CDIN1: variants seen among roughly 807,000 people sequenced by gnomAD.
CDIN1 encodes the protein CDAN1-interacting nuclease 1.
CDIN1 carries 33 observed loss-of-function variants against 45.3 expected under a neutral mutation model. That is an observed-to-expected ratio of 0.73 (90% CI 0.55 to 0.97). The LOEUF (loss-of-function observed/expected upper bound fraction) is 0.97, where lower values mean the gene tolerates loss of function less well. CDIN1 is among the 50% of genes least tolerant of loss of function. The probability of loss-of-function intolerance (pLI) is 0.00; values close to 1 mark genes in which losing one functional copy is unlikely to be tolerated. For missense variants in CDIN1, 303 were observed against 339.4 expected, an observed-to-expected ratio of 0.89 and a Z score of 0.84; for synonymous variants, 118 against 124.4, an observed-to-expected ratio of 0.95 and a Z score of 0.34.
intron 1 of CDIN1, chr15:36,618,951 T>C: frequency 1.3e-6 from 2 of 1,550,198 alleles, no homozygotes; most frequent in South Asian, 1.2e-5. Context: ...AGTTAAGTTA[T>C]GCTGAAGTGT....
intron 10 of CDIN1, among the ~76,000 whole-genome samples, chr15:36,723,647 C>G (rs927406154): frequency 2.0e-5 from 3 of 152,182 alleles, no homozygotes; most frequent in African/African-American, 7.2e-5. Flanking sequence ...TCACTGCAAC[C>G]TTGAACTCCT....
At chr15:36,587,285 A>G (rs1227556250) in intron 1 of CDIN1, among the ~76,000 whole-genome samples, 2 of 152,070 alleles carry the variant, frequency 1.3e-5, no homozygotes, top group Non-Finnish European at 2.9e-5. Flanking sequence ...CACTCATATG[A>G]GGTGCTTTAA....
chr15:36,581,236 TAAGA>T (rs1012559557), intron 1 of CDIN1, among the ~76,000 whole-genome samples: 5 of 152,234 alleles, frequency 3.3e-5, no homozygotes, highest in African/African-American at 7.2e-5. Flanking sequence ...TGGGCAGTTT[TAAGA>T]AAGAGCATAC....
At chr15:36,703,304 GATCT>G (rs2042721371) in intron 8 of CDIN1, among the ~76,000 whole-genome samples, 1 of 122,728 alleles carries the variant, frequency 8.1e-6, no homozygotes, top group Non-Finnish European at 1.6e-5. Flanking sequence ...ATATCAGATA[GATCT>G]ATCAGATATA....
At chr15:36,769,568 C>T (rs778809149) in intron 10 of CDIN1, among the ~76,000 whole-genome samples, 1 of 152,172 alleles carries the variant, frequency 6.6e-6, no homozygotes, top group Non-Finnish European at 1.5e-5. Context: ...ACAGCAACAT[C>T]TGGATTAGCA....
At chr15:36,674,162 T>C (rs974486593) in intron 5 of CDIN1, among the ~76,000 whole-genome samples, 13 of 152,158 alleles carry the variant, frequency 8.5e-5, no homozygotes, top group African/African-American at 4.8e-5. Flanking sequence ...TGCAGAGATG[T>C]TCAAGTGTTA....
At chr15:36,613,618 G>T in intron 1 of CDIN1, 2 of 1,446,750 alleles carry the variant, frequency 1.4e-6, no homozygotes, top group Non-Finnish European at 1.9e-6. Flanking sequence ...AGGCTGAGGT[G>T]GCCTCCTTGA....
intron 10 of CDIN1, among the ~76,000 whole-genome samples, chr15:36,738,198 T>C (rs899587613): frequency 1.4e-4 from 21 of 152,128 alleles, no homozygotes; most frequent in African/African-American, 5.1e-4. Flanking sequence ...AAGCTATGGG[T>C]CTATACTGAA....
chr15:36,714,169 A>G (rs541889761), intron 10 of CDIN1, among the ~76,000 whole-genome samples: 2 of 152,306 alleles, frequency 1.3e-5, no homozygotes, highest in Non-Finnish European at 2.9e-5. Context: ...AAAAACTTTT[A>G]CGCACTTTTC....
chr15:36,718,685 T>C (rs1261780789), intron 10 of CDIN1, among the ~76,000 whole-genome samples: 2 of 152,072 alleles, frequency 1.3e-5, no homozygotes, highest in African/African-American at 4.8e-5. Flanking sequence ...TTTTGTATTT[T>C]GATTTTCTAT....
intron 10 of CDIN1, among the ~76,000 whole-genome samples, chr15:36,791,027 T>A (rs6495874): frequency 6.6e-6 from 1 of 152,142 alleles, no homozygotes; most frequent in African/African-American, 2.4e-5. Flanking sequence ...TAGGTCCCAG[T>A]GTCTGTTGTT....
At chr15:36,696,474 C>T (rs1472564230) in intron 7 of CDIN1, 1 of 152,212 alleles carries the variant, frequency 6.6e-6, no homozygotes, top group Non-Finnish European at 1.5e-5. Context: ...ACAGAATTCT[C>T]TAAGATTAGG....
intron 10 of CDIN1, among the ~76,000 whole-genome samples, chr15:36,769,358 G>A (rs1473573179): frequency 6.6e-6 from 1 of 152,132 alleles, no homozygotes; most frequent in African/African-American, 2.4e-5. Flanking sequence ...TCCTAAATCT[G>A]TAGGGCAGGC....
chr15:36,796,859 T>G (rs2054816723), intron 10 of CDIN1, among the ~76,000 whole-genome samples: 1 of 152,250 alleles, frequency 6.6e-6, no homozygotes, highest in South Asian at 2.1e-4. Flanking sequence ...ACTTAAAATT[T>G]CTAACTATAA....
At chr15:36,634,143 A>G (rs1056598647) in intron 1 of CDIN1, among the ~76,000 whole-genome samples, 2 of 151,846 alleles carry the variant, frequency 1.3e-5, no homozygotes, top group African/African-American at 4.8e-5. Flanking sequence ...TTTCTTCAAA[A>G]CTTTTGGCTG....
chr15:36,662,855 T>TG lies in CDIN1; in HGVS notation c.346+4950_346+4951insG, dbSNP rs1491504923. On this transcript the variant is annotated intron_variant, in intron 5 of 10. Coordinates refer to ENST00000566621, the MANE Select transcript of CDIN1 (RefSeq NM_001321759.2). ...GGACCAGAAGTGTTTCAGATTTTAG[T>TG]TTTTTTTTTTTTTTTTTTGGATTTG... Among the ~76,000 whole-genome samples the TG allele has an allele frequency of 9.1e-3, 8 of 880 alleles. No homozygotes were observed. The South Asian group carries it at 0.15, about 17-fold the overall frequency. The allele number at this position is 880 out of a possible 152,430, so 0.6% of individuals were successfully genotyped here.
intron 10 of CDIN1, among the ~76,000 whole-genome samples, chr15:36,735,382 T>C (rs1284169514): frequency 1.3e-5 from 2 of 152,148 alleles, no homozygotes; most frequent in Non-Finnish European, 2.9e-5. Context: ...TTATTTCTAA[T>C]TGGTAGACTA....
In CDIN1 at chr15:36,697,391, G is replaced by T. The variant is rs2042471145; in HGVS notation, c.544+1G>T. ...CTAGAGAAAAACCTGTCCTTCCTAG[G>T]TAAGTATTATTCACATCTTCTCTAG... On this transcript the variant is annotated splice_donor_variant, in intron 8 of 10. Coordinates refer to ENST00000566621, the MANE Select transcript of CDIN1 (RefSeq NM_001321759.2). LOFTEE classifies it high-confidence loss of function. The T allele has an allele frequency of 6.2e-7, 1 of 1,609,604 alleles. No homozygotes were observed. Among genetic ancestry groups the T allele is most frequent in the Non-Finnish European group, 8.5e-7 (1 of 1,177,554 alleles).
chr15:36,770,761 C>T (rs1428375144), intron 10 of CDIN1, among the ~76,000 whole-genome samples: 2 of 152,180 alleles, frequency 1.3e-5, no homozygotes, highest in African/African-American at 2.4e-5. Flanking sequence ...TTTCTGATTA[C>T]TCTGGATGAT....
Sources: gnomAD v4.1 joint callset for allele counts (sites outside exome capture counted in the v4.1 genomes callset) on GRCh38, gnomAD v4.1.1 for gene constraint, MANE v1.5 for transcripts, NCBI Gene and HGNC (gene_info 2026-07-23, HGNC 2026-07-21) for gene names.